Variants in PTPN3 observed in about 807,000 individuals in gnomAD.
The protein encoded by PTPN3 is tyrosine-protein phosphatase non-receptor type 3.
Under a neutral mutation model 132.7 loss-of-function variants are expected in PTPN3, and 96 were observed. The observed-to-expected ratio is 0.72, with a 90% CI of 0.61 to 0.86. The LOEUF (loss-of-function observed/expected upper bound fraction) is 0.86, where lower values mean the gene tolerates loss of function less well. Ranked by LOEUF, PTPN3 falls within the 40% of genes least tolerant of loss-of-function variation. The pLI, the probability that PTPN3 is intolerant of heterozygous loss-of-function variation, is 0.00. For missense variants in PTPN3, 1,125 were observed against 1,159.6 expected, an observed-to-expected ratio of 0.97 and a Z score of 0.43; for synonymous variants, 398 against 429.0, an observed-to-expected ratio of 0.93 and a Z score of 0.89.
At position 109,376,010 on chromosome 9, in the gene PTPN3, C is replaced by T. The variant is rs1436806377; in HGVS notation, c.*3546G>A. On this transcript the variant is annotated 3_prime_UTR_variant, in exon 26 of 26. Transcript: ENST00000374541. ...CAGGCAAGAACCAGAAGGTGGCCAT[C>T]CTTGTCTTTGCATTCAACAGCGCCA... 6.6e-6 allele frequency: 1 copy of T among 152,166 alleles called. No individual in the cohort carries two copies. Among genetic ancestry groups the T allele is most frequent in the Non-Finnish European group, 1.5e-5 (1 of 68,028 alleles). The allele number at this position is 152,166 out of a possible 1,614,324, so 9.4% of individuals were successfully genotyped here.
chr9:109,430,284 C>G (rs759354415), intron 10 of PTPN3, among the ~76,000 whole-genome samples: 4 of 152,178 alleles, frequency 2.6e-5, no homozygotes, highest in Non-Finnish European at 5.9e-5. Flanking sequence ...CTTACCTTGC[C>G]TTGTTTGGCC....
chr9:109,460,551 T>G (rs1406179965), intron 2 of PTPN3, among the ~76,000 whole-genome samples: 1 of 151,854 alleles, frequency 6.6e-6, no homozygotes, highest in African/African-American at 2.4e-5. Flanking sequence ...CTCATTCCAC[T>G]CCAGACTCCA....
At chr9:109,411,415 A>G (rs2131775072) in intron 14 of PTPN3, among the ~76,000 whole-genome samples, 1 of 152,262 alleles carries the variant, frequency 6.6e-6, no homozygotes, top group African/African-American at 2.4e-5. Context: ...CTAACCCCTC[A>G]GAGTCACAGG....
chr9:109,514,121 C>A, the PTPN3 span, among the ~76,000 whole-genome samples: 1 of 152,238 alleles, frequency 6.6e-6, no homozygotes, highest in South Asian at 2.1e-4. Flanking sequence ...CCATTCGGCA[C>A]CCCCCAGTAT....
chr9:109,510,188 T>C, the PTPN3 span, among the ~76,000 whole-genome samples: 1 of 152,194 alleles, frequency 6.6e-6, no homozygotes, highest in Non-Finnish European at 1.5e-5. Flanking sequence ...ACCCCATCTA[T>C]TCAATGGAAA....
At chr9:109,445,439 T>G (rs45605033) in intron 6 of PTPN3, 147 bp from the exon 7 acceptor site, 1,005 of 740,966 alleles carry the variant, frequency 1.4e-3, no homozygotes, top group Non-Finnish European at 2.0e-3. Flanking sequence ...AACTTTATGC[T>G]GCACATAAAC....
intron 1 of PTPN3, among the ~76,000 whole-genome samples, chr9:109,490,996 G>A (rs950792651): frequency 3.3e-5 from 5 of 151,172 alleles, no homozygotes; most frequent in African/African-American, 9.7e-5. Flanking sequence ...TCAGGAGTTC[G>A]AGACCAGCAT....
rs919588386 is a variant in PTPN3, at chr9:109,406,592, G to C, written c.1662C>G (p.Asn554Lys). Residue 554 changes from asparagine (N) to lysine (K), a missense_variant, in exon 18 of 26, where the codon AAC becomes AAG. Asn to Lys is a moderately conservative substitution (Grantham distance 94). Coordinates refer to ENST00000374541, the MANE Select transcript of PTPN3 (RefSeq NM_002829.4). ...SPADTCIPKLNEGDQIVLING... is the reference protein window; with the variant it reads ...SPADTCIPKLKEGDQIVLING... ...TGATTAACACGATTTGATCCCCTTCGTTCAGCTTAGGAATGCAGGTGTCCG... is the reference window on the plus strand; with the variant it reads ...TGATTAACACGATTTGATCCCCTTCCTTCAGCTTAGGAATGCAGGTGTCCG... 1 of 1,614,128 alleles carries C rather than the reference G, an allele frequency of 6.2e-7. No homozygotes were observed. The highest frequency in any genetic ancestry group is 1.1e-5 in the South Asian group (1 of 91,066).
intron 6 of PTPN3, among the ~76,000 whole-genome samples, chr9:109,445,956 C>G (rs745946258): frequency 6.6e-6 from 1 of 152,190 alleles, no homozygotes; most frequent in Admixed American, 6.5e-5. Flanking sequence ...TTCTCCTTTC[C>G]TCTTAAACTC....
At chr9:109,381,879 T>G in intron 24 of PTPN3, 92 bp from the exon 25 acceptor site, 1 of 1,475,382 alleles carries the variant, frequency 6.8e-7, no homozygotes, top group Non-Finnish European at 9.4e-7. Flanking sequence ...CCAAAGGGGC[T>G]TTCCTCCCTT....
chr9:109,485,017 C>G (rs893513090), intron 1 of PTPN3, among the ~76,000 whole-genome samples: 1 of 151,908 alleles, frequency 6.6e-6, no homozygotes, highest in African/African-American at 2.4e-5. Context: ...TTACTTGAGT[C>G]CAGGAGTGCA....
intron 14 of PTPN3, among the ~76,000 whole-genome samples, chr9:109,420,176 T>G (rs757064496): frequency 6.6e-6 from 1 of 152,174 alleles, no homozygotes; most frequent in African/African-American, 2.4e-5. Context: ...GACTAACAAG[T>G]ACTTAGTGAC....
At position 109,410,086 on chromosome 9, in the gene PTPN3, G is replaced by A. The variant is rs772829951; in HGVS notation, c.1501-10C>T. The A allele has an allele frequency of 7.2e-5, 116 of 1,614,022 alleles. No individual in the cohort carries two copies. Among genetic ancestry groups the A allele is most frequent in the Non-Finnish European group, 9.2e-5 (109 of 1,180,038 alleles). ...TGTCACCATTATCATTCTGGAAAAC[G>A]GTTTGAAAGTGGTCATTTGCATCAC... On this transcript the variant is annotated splice_polypyrimidine_tract_variant and intron_variant, in intron 15 of 25. Coordinates refer to ENST00000374541, the MANE Select transcript of PTPN3 (RefSeq NM_002829.4).
the PTPN3 span, among the ~76,000 whole-genome samples, chr9:109,508,160 C>T: frequency 4.4e-5 from 5 of 112,570 alleles, no homozygotes; most frequent in Non-Finnish European, 7.1e-5. Context: ...CTGTTTCTCT[C>T]TCTCTTTTTT....
intron 25 of PTPN3, 106 bp from the exon 26 acceptor site, chr9:109,379,739 G>A (rs1056026050): frequency 1.6e-5 from 15 of 947,796 alleles, no homozygotes; most frequent in South Asian, 7.0e-5. Flanking sequence ...TTCCCTGAGC[G>A]CCAACTCTGG....
intron 7 of PTPN3, among the ~76,000 whole-genome samples, chr9:109,443,012 T>G (rs1486178476): frequency 2.0e-5 from 3 of 152,016 alleles, no homozygotes; most frequent in African/African-American, 7.2e-5. Flanking sequence ...ACCTCAGTTT[T>G]ACAGGTGAGA....
At chr9:109,430,489 T>C (rs932708513) in intron 10 of PTPN3, among the ~76,000 whole-genome samples, 10 of 152,100 alleles carry the variant, frequency 6.6e-5, no homozygotes, top group African/African-American at 2.4e-4. Context: ...ACTCTTGTCG[T>C]TTCCAGGCTT....
intron 1 of PTPN3, among the ~76,000 whole-genome samples, chr9:109,485,887 CTG>C (rs775830636): frequency 6.6e-6 from 1 of 152,266 alleles, no homozygotes; most frequent in Non-Finnish European, 1.5e-5. Context: ...CTGAAGAAAA[CTG>C]AAGCCTTTCC....
intron 14 of PTPN3, among the ~76,000 whole-genome samples, chr9:109,419,613 T>G (rs4076858): frequency 6.6e-6 from 1 of 151,798 alleles, no homozygotes; most frequent in Non-Finnish European, 1.5e-5. Context: ...ATGAATCCAT[T>G]AAAATAAGAA....
Sources: allele counts gnomAD v4.1 joint callset (sites outside exome capture counted in the v4.1 genomes callset), GRCh38; gene constraint gnomAD v4.1.1; transcripts MANE v1.5; gene names NCBI Gene and HGNC (gene_info 2026-07-23, HGNC 2026-07-21).